Variants in GABRB1 observed in about 807,000 individuals in gnomAD.
GABRB1 encodes the protein gamma-aminobutyric acid type A receptor subunit beta1.
A neutral mutation model predicts 51.6 loss-of-function variants in GABRB1; 17 were observed. The observed-to-expected ratio is 0.33, with a 90% CI of 0.23 to 0.49. The LOEUF is 0.49. Among genes scored for constraint, GABRB1 ranks in the 20% least tolerant of loss-of-function variants. GABRB1 has a pLI of 0.99. For synonymous variants in GABRB1, 247 were observed against 218.9 expected (o/e 1.13, Z -1.14); for missense variants, 410 against 600.6 (o/e 0.68, Z 3.32).
At chr4:47,392,338 C>CTTTT (rs5858067) in intron 5 of GABRB1, among the ~76,000 whole-genome samples, 5 of 130,824 alleles carry the variant, frequency 3.8e-5, no homozygotes, top group South Asian at 5.0e-4. Context: ...TCCCTTCCAC[C>CTTTT]TTTTTTTTTT....
intron 4 of GABRB1, among the ~76,000 whole-genome samples, chr4:47,202,153 G>A (rs1282905844): frequency 2.6e-5 from 4 of 152,050 alleles, no homozygotes; most frequent in South Asian, 2.1e-4. Context: ...TTGAATCATC[G>A]GGGGCAGTTT....
At chr4:47,286,857 A>G (rs868761442) in intron 4 of GABRB1, among the ~76,000 whole-genome samples, 20 of 152,228 alleles carry the variant, frequency 1.3e-4, no homozygotes, top group African/African-American at 4.6e-4. Context: ...TAGAAAGATC[A>G]AAGTCTTAAT....
At chr4:47,337,808 TAAAAAAAA>T (rs1170540924) in intron 5 of GABRB1, among the ~76,000 whole-genome samples, 1 of 84,486 alleles carries the variant, frequency 1.2e-5, no homozygotes, top group Non-Finnish European at 2.2e-5. Context: ...AGACTCTGTC[TAAAAAAAA>T]AAAAAAAAAA....
chr4:47,184,793 C>T (rs1719101619), intron 4 of GABRB1, among the ~76,000 whole-genome samples: 1 of 151,840 alleles, frequency 6.6e-6, no homozygotes, highest in Non-Finnish European at 1.5e-5. Context: ...CGGAAATACG[C>T]CTGAATTTTA....
chr4:47,192,907 C>T (rs1044725046), intron 4 of GABRB1, among the ~76,000 whole-genome samples: 1 of 151,822 alleles, frequency 6.6e-6, no homozygotes. Context: ...CTATTTTATC[C>T]CCATTTTACA....
chr4:47,205,249 C>T (rs1393898048), intron 4 of GABRB1, among the ~76,000 whole-genome samples: 1 of 152,060 alleles, frequency 6.6e-6, no homozygotes, highest in Non-Finnish European at 1.5e-5. Context: ...AAAGAAGGCA[C>T]TAATATAATT....
intron 3 of GABRB1, among the ~76,000 whole-genome samples, chr4:47,083,693 T>C (rs948178662): frequency 1.3e-5 from 2 of 152,154 alleles, no homozygotes; most frequent in Non-Finnish European, 2.9e-5. Flanking sequence ...CACCAATGCC[T>C]ACTAATACCT....
chr4:47,307,826 A>C (rs1724525236), intron 4 of GABRB1, among the ~76,000 whole-genome samples: 1 of 151,994 alleles, frequency 6.6e-6, no homozygotes, highest in African/African-American at 2.4e-5. Context: ...CTTGTAAACA[A>C]TTACATGAGA....
chr4:47,417,589 A>G (rs1306242796), intron 8 of GABRB1, among the ~76,000 whole-genome samples: 1 of 152,186 alleles, frequency 6.6e-6, no homozygotes, highest in Non-Finnish European at 1.5e-5. Flanking sequence ...GGGCTGTTGC[A>G]ACTGTGTGTT....
chr4:47,189,745 C>A (rs1392646024), intron 4 of GABRB1, among the ~76,000 whole-genome samples: 1 of 152,006 alleles, frequency 6.6e-6, no homozygotes, highest in Non-Finnish European at 1.5e-5. Flanking sequence ...ATTAATTCTT[C>A]AAGGTAGAGT....
chr4:47,384,633 C>T (rs1727721826), intron 5 of GABRB1, among the ~76,000 whole-genome samples: 1 of 152,100 alleles, frequency 6.6e-6, no homozygotes, highest in South Asian at 2.1e-4. Flanking sequence ...ACTATCAAAT[C>T]TGGGGTTTCA....
At chr4:47,332,129 G>A (rs910045192) in intron 5 of GABRB1, among the ~76,000 whole-genome samples, 2 of 152,140 alleles carry the variant, frequency 1.3e-5, no homozygotes, top group Non-Finnish European at 2.9e-5. Flanking sequence ...CTTTATTTTT[G>A]ACATTCTTGC....
At chr4:47,358,872 A>G (rs1395878752) in intron 5 of GABRB1, among the ~76,000 whole-genome samples, 5 of 152,130 alleles carry the variant, frequency 3.3e-5, no homozygotes, top group Non-Finnish European at 5.9e-5. Context: ...TGATATATCT[A>G]TAGTTTGTGT....
chr4:47,243,689 G>C (rs1318895376), intron 4 of GABRB1, among the ~76,000 whole-genome samples: 1 of 152,114 alleles, frequency 6.6e-6, no homozygotes, highest in African/African-American at 2.4e-5. Context: ...CTCTCTATCT[G>C]TTATTGGTGT....
intron 4 of GABRB1, among the ~76,000 whole-genome samples, chr4:47,167,325 C>T (rs994874174): frequency 6.6e-6 from 1 of 152,044 alleles, no homozygotes; most frequent in Non-Finnish European, 1.5e-5. Context: ...CGCTGAAACA[C>T]TGTGTTTATC....
chr4:47,354,976 C>CTTTTTT (rs1553877819), intron 5 of GABRB1, among the ~76,000 whole-genome samples: 34 of 82,448 alleles, frequency 4.1e-4, no homozygotes, highest in South Asian at 7.2e-4. Flanking sequence ...TTCTTTCTTC[C>CTTTTTT]TTTGTTTTTT....
Position 47,146,222 on chromosome 4 carries a change from C to T in GABRB1, c.241-15027C>T, listed in dbSNP as rs546042861. ...AAAAATTTGCTGAGCCAGAAGTAAG[C>T]AAGTCAAAAAGACAGGGGAACATAA... On this transcript the variant is annotated intron_variant, in intron 3 of 8. Coordinates refer to ENST00000295454, the MANE Select transcript of GABRB1 (RefSeq NM_000812.4). Among the ~76,000 whole-genome samples, 39 of 152,068 alleles carry T rather than the reference C, an allele frequency of 2.6e-4. No homozygotes were observed. In the South Asian group the frequency reaches 3.5e-3, roughly 14 times the overall value.
At chr4:47,024,441 A>G (rs1051149372) in intron 1 of GABRB1, among the ~76,000 whole-genome samples, 1 of 151,952 alleles carries the variant, frequency 6.6e-6, no homozygotes, top group Non-Finnish European at 1.5e-5. Flanking sequence ...GCAATCCCCC[A>G]AATCCTCCAT....
At chr4:47,028,533 T>A (rs1725172158), upstream of GABRB1, among the ~76,000 whole-genome samples, 1 of 151,756 alleles carries the variant, frequency 6.6e-6, no homozygotes, top group Admixed American at 6.6e-5. Flanking sequence ...AATTGGTCAC[T>A]TCGTTATCAG....
Sources: gnomAD v4.1 joint callset for allele counts (sites outside exome capture counted in the v4.1 genomes callset) on GRCh38, gnomAD v4.1.1 for gene constraint, MANE v1.5 for transcripts, NCBI Gene and HGNC (gene_info 2026-07-23, HGNC 2026-07-21) for gene names.